NBEAL1: variants seen among roughly 807,000 people sequenced by gnomAD.
NBEAL1 encodes neurobeachin like 1.
A neutral mutation model predicts 351.3 loss-of-function variants in NBEAL1; 273 were observed. That is an observed-to-expected ratio of 0.78 (90% confidence interval 0.70 to 0.86). The LOEUF (loss-of-function observed/expected upper bound fraction) is 0.86. NBEAL1 is among the 40% of genes least tolerant of loss of function. The probability of loss-of-function intolerance (pLI) is 0.00; values close to 1 mark genes in which losing one functional copy is unlikely to be tolerated. For synonymous variants in NBEAL1, 1,050 were observed against 1,086.4 expected, an observed-to-expected ratio of 0.97 and a Z score of 0.66; for missense variants, 2,961 against 3,201.3, an observed-to-expected ratio of 0.92 and a Z score of 1.81.
At chr2:203,135,557 G>A (rs949002726) in intron 27 of NBEAL1, 120 bp from the exon 28 acceptor site, 5 of 650,286 alleles carry the variant, frequency 7.7e-6, no homozygotes, top group African/African-American at 7.4e-5. Flanking sequence ...TCTTTTGAAA[G>A]TATATTCTTC....
rs775367771 is a variant in NBEAL1 at position 203,219,888 on chromosome 2, G to A, written c.*2534G>A. 2.6e-5 allele frequency: 4 copies of A among 151,834 alleles called. No individual in the cohort carries two copies. Among genetic ancestry groups the A allele is most frequent in the Non-Finnish European group, 5.9e-5 (4 of 67,952 alleles). The allele number at this position is 151,834 out of a possible 1,614,324, so 9.4% of individuals were successfully genotyped here. A position where few individuals can be genotyped will look rare whatever the true frequency, so the allele number is the denominator to read the frequency against. ...AAAGAAAAAAAATATGGAATTTAGAGAAAAATCTTTGAGAATACTAGCAAC... is the reference window on the plus strand; with the variant it reads ...AAAGAAAAAAAATATGGAATTTAGAAAAAAATCTTTGAGAATACTAGCAAC... On this transcript the variant is annotated 3_prime_UTR_variant, in exon 56 of 56. Coordinates refer to ENST00000683969, the MANE Select transcript of NBEAL1 (RefSeq NM_001378026.1).
intron 3 of NBEAL1, among the ~76,000 whole-genome samples, chr2:203,045,781 A>AT (rs2061215968): frequency 2.0e-5 from 3 of 152,230 alleles, no homozygotes; most frequent in Non-Finnish European, 4.4e-5. Flanking sequence ...AAGAAGAGGT[A>AT]ACTATAAAGT....
At chr2:203,091,253 G>A (rs149470767) in intron 10 of NBEAL1, among the ~76,000 whole-genome samples, 113 of 152,208 alleles carry the variant, frequency 7.4e-4, no homozygotes, top group Middle Eastern at 3.4e-3. Flanking sequence ...TTCGATGACT[G>A]CCTTATTTCA....
At chr2:203,080,647 G>A (rs529427285) in intron 8 of NBEAL1, among the ~76,000 whole-genome samples, 47 of 152,050 alleles carry the variant, frequency 3.1e-4, no homozygotes, top group African/African-American at 1.1e-3. Flanking sequence ...TTGGCACCTA[G>A]CCAGAGTCCC....
In NBEAL1 at chr2:203,168,881, G is replaced by A. The variant is rs371819474; in HGVS notation, c.5998-866G>A. Among the ~76,000 whole-genome samples, 127 of 108,506 alleles carry A rather than the reference G, an allele frequency of 1.2e-3. 1 individual carries two copies. Among genetic ancestry groups the A allele is most frequent in the African/African-American group, 4.2e-3 (119 of 28,514 alleles). The allele number at this position is 108,506 out of a possible 152,430, so 71.2% of individuals were successfully genotyped here. A position where few individuals can be genotyped will look rare whatever the true frequency, so the allele number is the denominator to read the frequency against. ...TGCACTCTAGCCTGGGTGACAGAGC[G>A]AGACTCCATCTCAAAAAAAAAAAAA... On this transcript the variant is annotated intron_variant, in intron 38 of 55. Coordinates refer to ENST00000683969, the MANE Select transcript of NBEAL1 (RefSeq NM_001378026.1).
rs1351412389 is a variant in NBEAL1, at chr2:203,224,861, G to T, written c.*7507G>T. ...TTAATAAAGATGTATAAATAATTTT[G>T]ATTATTCTCATTGTAGTTAAGTTAC... is the stretch of plus-strand genomic sequence containing the variant. On this transcript the variant is annotated 3_prime_UTR_variant, in exon 56 of 56. Coordinates refer to ENST00000683969, the MANE Select transcript of NBEAL1 (RefSeq NM_001378026.1). Among the ~76,000 whole-genome samples, 1 of 152,032 alleles carries T rather than the reference G, an allele frequency of 6.6e-6. No individual in the cohort carries two copies. The highest frequency in any genetic ancestry group is 1.5e-5 in the Non-Finnish European group (1 of 67,970).
intron 48 of NBEAL1, 72 bp from the exon 49 acceptor site, chr2:203,199,266 G>T: frequency 1.2e-6 from 1 of 807,386 alleles, no homozygotes; most frequent in South Asian, 1.7e-5. Context: ...AATGTCATGT[G>T]AGCATCTGGT....
chr2:203,167,098 A>G, intron 37 of NBEAL1, 129 bp from the exon 38 acceptor site: 1 of 728,386 alleles, frequency 1.4e-6, no homozygotes, highest in Non-Finnish European at 2.1e-6. Flanking sequence ...CATTTAACAA[A>G]TGGTTTATAT....
chr2:203,077,172 G>A (rs1166113533), intron 7 of NBEAL1, among the ~76,000 whole-genome samples: 1 of 151,996 alleles, frequency 6.6e-6, no homozygotes, highest in African/African-American at 2.4e-5. Context: ...AGCACTTTGG[G>A]AGGCTGAGGC....
At chr2:203,050,162 G>A in intron 4 of NBEAL1, 187 bp downstream of exon 4, 1 of 495,614 alleles carries the variant, frequency 2.0e-6, no homozygotes, top group Middle Eastern at 5.5e-4. Flanking sequence ...AACCACTATG[G>A]CATGTGTATA....
chr2:203,199,573 CT>C (rs1403091593), intron 49 of NBEAL1, 126 bp downstream of exon 49: 13 of 552,318 alleles, frequency 2.4e-5, no homozygotes, highest in Non-Finnish European at 4.1e-5. Flanking sequence ...GAGACAGAGT[CT>C]TGCTCTGCGG....
chr2:203,119,695 G>A (rs1381034818), intron 18 of NBEAL1, among the ~76,000 whole-genome samples: 1 of 151,866 alleles, frequency 6.6e-6, no homozygotes, highest in Non-Finnish European at 1.5e-5. Context: ...CAAAGTGCTG[G>A]GATTACAGGT....
Position 203,027,433 on chromosome 2 carries a change from AAAG to A in NBEAL1, c.51+11003_51+11005del, listed in dbSNP as rs1324526568. On this transcript the variant is annotated intron_variant, in intron 2 of 55. Coordinates refer to ENST00000683969, the MANE Select transcript of NBEAL1 (RefSeq NM_001378026.1). Reference sequence around the variant, plus strand: ...CTGGTAGTGGTATCTACCCAGATTTAAAGAAGATTAAATGATATACCCATTTCA... The same window carrying A: ...CTGGTAGTGGTATCTACCCAGATTTAAAGATTAAATGATATACCCATTTCA... 1.3e-5 allele frequency among the ~76,000 whole-genome samples: 2 copies of A among 152,190 alleles called. 1 individual carries two copies. Among genetic ancestry groups the A allele is most frequent in the Non-Finnish European group, 2.9e-5 (2 of 68,032 alleles).
At chr2:203,052,948 T>G (rs1253734027) in intron 4 of NBEAL1, among the ~76,000 whole-genome samples, 1 of 152,082 alleles carries the variant, frequency 6.6e-6, no homozygotes, top group Non-Finnish European at 1.5e-5. Flanking sequence ...ACTCTACTTA[T>G]GGACATACCA....
intron 17 of NBEAL1, among the ~76,000 whole-genome samples, chr2:203,114,501 TTTTG>T (rs2062645365): frequency 6.6e-6 from 1 of 152,182 alleles, no homozygotes; most frequent in Admixed American, 6.5e-5. Flanking sequence ...TGTTTTGGCT[TTTTG>T]TTTTTCTTTT....
At chr2:203,089,042 C>G (rs2062017424) in intron 10 of NBEAL1, among the ~76,000 whole-genome samples, 1 of 151,864 alleles carries the variant, frequency 6.6e-6, no homozygotes, top group Non-Finnish European at 1.5e-5. Context: ...GTAAGGAGAA[C>G]AGAAAAGAAA....
intron 33 of NBEAL1, among the ~76,000 whole-genome samples, chr2:203,146,063 C>G (rs1007579641): frequency 6.6e-6 from 1 of 150,560 alleles, no homozygotes; most frequent in Non-Finnish European, 1.5e-5. Context: ...GAGGCAGTAT[C>G]ACCACTGACT....
chr2:203,180,524 AG>A lies in NBEAL1; in HGVS notation c.6595+14del. The stretch of plus-strand genomic sequence containing the variant: ...GGAAAATCAAAATCGTAAGAAATAG[AG>A]GATTAAAAATTTGACTAGCAGGTCC... On this transcript the variant is annotated intron_variant, in intron 43 of 55. Transcript: ENST00000683969. 6.3e-7 allele frequency: 1 copy of A among 1,595,854 alleles called. No homozygotes were observed. The highest frequency in any genetic ancestry group is 8.5e-7 in the Non-Finnish European group (1 of 1,172,918).
chr2:203,136,344 T>A, intron 28 of NBEAL1, 92 bp downstream of exon 28: 1 of 959,720 alleles, frequency 1.0e-6, no homozygotes. Flanking sequence ...TTGTTAACAA[T>A]TTCATATTGT....
Sources: allele counts gnomAD v4.1 joint callset (sites outside exome capture counted in the v4.1 genomes callset), GRCh38; gene constraint gnomAD v4.1.1; transcripts MANE v1.5; gene names NCBI Gene and HGNC (gene_info 2026-07-23, HGNC 2026-07-21).